The following DGKB variants were observed in gnomAD, a reference collection of about 807,000 sequenced individuals.
DGKB encodes diacylglycerol kinase beta, also known as 90 kDa diacylglycerol kinase.
In DGKB, 67 loss-of-function variants were observed where a neutral mutation model predicts 114.3. The ratio of observed to expected loss-of-function variants is 0.59; its 90% confidence interval spans 0.48 to 0.72. DGKB has a LOEUF of 0.72. Ranked by LOEUF, DGKB falls within the 30% of genes least tolerant of loss-of-function variation. The probability of loss-of-function intolerance (pLI) is 0.00; values close to 1 mark genes in which losing one functional copy is unlikely to be tolerated. For missense variants in DGKB, 907 were observed against 975.2 expected, an observed-to-expected ratio of 0.93 and a Z score of 0.93; for synonymous variants, 398 against 323.1, an observed-to-expected ratio of 1.23 and a Z score of -2.49.
intron 1 of DGKB, among the ~76,000 whole-genome samples, chr7:14,922,233 C>A (rs1435096050): frequency 6.6e-6 from 1 of 152,006 alleles, no homozygotes; most frequent in Non-Finnish European, 1.5e-5. Context: ...AGAGCAACGA[C>A]ATTTACAAAG....
At chr7:14,778,435 T>C (rs1586436520) in intron 2 of DGKB, among the ~76,000 whole-genome samples, 1 of 152,158 alleles carries the variant, frequency 6.6e-6, no homozygotes, top group Non-Finnish European at 1.5e-5. Flanking sequence ...CACATTACAA[T>C]ATATTTTTAA....
chr7:14,598,590 G>A (rs1429094671), intron 17 of DGKB, among the ~76,000 whole-genome samples: 2 of 152,082 alleles, frequency 1.3e-5, no homozygotes, highest in East Asian at 1.9e-4. Context: ...CACAGATTAT[G>A]TATTCATCAA....
At chr7:14,912,177 C>G (rs1784035004) in intron 1 of DGKB, among the ~76,000 whole-genome samples, 1 of 152,068 alleles carries the variant, frequency 6.6e-6, no homozygotes, top group South Asian at 2.1e-4. Context: ...TTTAAGCTTT[C>G]TAAAGTATGC....
Position 14,711,856 on chromosome 7 carries a change from C to A in DGKB, c.466+6686G>T, listed in dbSNP as rs1827406020. 2.0e-5 allele frequency among the ~76,000 whole-genome samples: 3 copies of A among 152,038 alleles called. No homozygotes were observed. The South Asian group carries it at 6.2e-4, about 32-fold the overall frequency. On this transcript the variant is annotated intron_variant, in intron 6 of 25. Coordinates refer to ENST00000402815, the MANE Select transcript of DGKB (RefSeq NM_001350709.2). Reference sequence around the variant, plus strand: ...GAATTCTGAGTATAAGGATACAATACCAAAACAAGGTAATTATGTGAAAGC... The same window carrying A: ...GAATTCTGAGTATAAGGATACAATAACAAAACAAGGTAATTATGTGAAAGC...
At chr7:14,277,785 C>T (rs556814142) in intron 23 of DGKB, among the ~76,000 whole-genome samples, 27 of 152,188 alleles carry the variant, frequency 1.8e-4, no homozygotes, top group South Asian at 6.2e-4. Context: ...GATATATACC[C>T]GAGGTAGGAT....
At chr7:14,817,113 T>C (rs1844264761) in intron 2 of DGKB, among the ~76,000 whole-genome samples, 1 of 152,210 alleles carries the variant, frequency 6.6e-6, no homozygotes, top group Non-Finnish European at 1.5e-5. Context: ...TTTCCTGAAG[T>C]CCATCTCCAG....
At chr7:14,731,970 T>C (rs1830989444) in intron 5 of DGKB, among the ~76,000 whole-genome samples, 1 of 152,182 alleles carries the variant, frequency 6.6e-6, no homozygotes, top group Non-Finnish European at 1.5e-5. Context: ...GAGGCACTTA[T>C]ATTACAACAA....
intron 13 of DGKB, among the ~76,000 whole-genome samples, chr7:14,639,314 G>C (rs1371934089): frequency 6.6e-6 from 1 of 152,202 alleles, no homozygotes; most frequent in Non-Finnish European, 1.5e-5. Flanking sequence ...AAACCTAGTG[G>C]AAATGCACTG....
At chr7:14,257,563 G>A (rs544743423) in intron 23 of DGKB, among the ~76,000 whole-genome samples, 5 of 152,090 alleles carry the variant, frequency 3.3e-5, no homozygotes, top group Non-Finnish European at 5.9e-5. Flanking sequence ...TGCTGTTCTC[G>A]TGATAGTGAG....
chr7:14,189,172 G>T (rs1783935519), intron 23 of DGKB, among the ~76,000 whole-genome samples: 1 of 152,088 alleles, frequency 6.6e-6, no homozygotes, highest in African/African-American at 2.4e-5. Context: ...CAATCCTCTA[G>T]TATGAACGTT....
intron 5 of DGKB, among the ~76,000 whole-genome samples, chr7:14,719,898 G>A (rs1050417611): frequency 6.6e-6 from 1 of 152,060 alleles, no homozygotes; most frequent in Non-Finnish European, 1.5e-5. Flanking sequence ...TTACGTGAAC[G>A]CTGTGAGGTA....
intron 23 of DGKB, among the ~76,000 whole-genome samples, chr7:14,224,944 T>C (rs1790551919): frequency 6.6e-6 from 1 of 152,040 alleles, no homozygotes; most frequent in Non-Finnish European, 1.5e-5. Context: ...TTTGAAGAGA[T>C]AGTTCCTGAG....
At chr7:14,803,396 C>T (rs1374113432) in intron 2 of DGKB, among the ~76,000 whole-genome samples, 1 of 152,056 alleles carries the variant, frequency 6.6e-6, no homozygotes, top group African/African-American at 2.4e-5. Flanking sequence ...TATTATTATA[C>T]CAGTTAATTC....
chr7:14,627,815 C>T (rs1240702030), intron 14 of DGKB, among the ~76,000 whole-genome samples: 9 of 151,744 alleles, frequency 5.9e-5, no homozygotes, highest in Admixed American at 3.3e-4. Context: ...TGGTCACGTG[C>T]GCCTATGATC....
intron 23 of DGKB, among the ~76,000 whole-genome samples, chr7:14,194,086 T>C (rs180895506): frequency 1.1e-4 from 17 of 152,284 alleles, no homozygotes; most frequent in Admixed American, 1.0e-3. Flanking sequence ...GGAACACTTA[T>C]ATGCTGTTGG....
At chr7:14,627,996 A>G (rs1012520479) in intron 14 of DGKB, among the ~76,000 whole-genome samples, 2 of 151,860 alleles carry the variant, frequency 1.3e-5, no homozygotes, top group African/African-American at 4.8e-5. Flanking sequence ...AACCAACCTC[A>G]ACATTCCTCT....
In DGKB at chr7:14,649,301, C is replaced by A. The variant is rs1027148903; in HGVS notation, c.1135-19033G>T. ...ATCAGACTAACAGCGGATCTCTCGG[C>A]AGAAACCCCACAAGCCAGAAGACAG... On this transcript the variant is annotated intron_variant, in intron 13 of 25. Coordinates refer to ENST00000402815, the MANE Select transcript of DGKB (RefSeq NM_001350709.2). 3.3e-5 allele frequency among the ~76,000 whole-genome samples: 5 copies of A among 151,810 alleles called. No homozygotes were observed. The East Asian group carries it at 9.7e-4, about 30-fold the overall frequency.
chr7:14,407,432 A>T (rs7790717), intron 21 of DGKB, among the ~76,000 whole-genome samples: 114,093 of 151,776 alleles, frequency 0.75, 43,479 homozygotes, highest in Middle Eastern at 0.83. Flanking sequence ...ACGGTGTGAG[A>T]CTGGAGAACT....
At chr7:14,709,955 T>C (rs1022985176) in intron 6 of DGKB, among the ~76,000 whole-genome samples, 4 of 145,626 alleles carry the variant, frequency 2.7e-5, no homozygotes, top group African/African-American at 1.0e-4. Context: ...ACCCTAAAAC[T>C]TAAAGTATAA....
Sources: allele counts gnomAD v4.1 joint callset (sites outside exome capture counted in the v4.1 genomes callset), GRCh38; gene constraint gnomAD v4.1.1; transcripts MANE v1.5; gene names NCBI Gene and HGNC (gene_info 2026-07-23, HGNC 2026-07-21).